IDE: variants seen among roughly 807,000 people sequenced by gnomAD.
IDE encodes the protein insulin degrading enzyme.
In IDE, 58 loss-of-function variants were observed where a neutral mutation model predicts 133.2. The ratio of observed to expected loss-of-function variants is 0.44; its 90% CI spans 0.35 to 0.54. IDE has a LOEUF of 0.54. IDE is among the 20% of genes least tolerant of loss of function. IDE has a pLI of 0.00. For synonymous variants in IDE, 396 were observed against 421.3 expected (o/e 0.94, Z 0.73); for missense variants, 981 against 1,234.0 (o/e 0.79, Z 3.07).
rs957472402 is a variant in IDE, at chr10:92,516,294, G to A, written c.662-1252C>T. 2.6e-5 allele frequency among the ~76,000 whole-genome samples: 4 copies of A among 152,018 alleles called. No individual in the cohort carries two copies. In the East Asian group the frequency reaches 7.8e-4, roughly 30 times the overall value. Reference sequence around the variant, plus strand: ...GGATCACCTGAGGTGAGGAGTTCAAGACCAGCCTGGCCAACGTGGTGAAAA... The same window carrying A: ...GGATCACCTGAGGTGAGGAGTTCAAAACCAGCCTGGCCAACGTGGTGAAAA... On this transcript the variant is annotated intron_variant, in intron 4 of 24. Coordinates refer to ENST00000265986, the MANE Select transcript of IDE (RefSeq NM_004969.4).
At chr10:92,485,427 ATGT>A (rs1846932134) in intron 13 of IDE, among the ~76,000 whole-genome samples, 3 of 152,032 alleles carry the variant, frequency 2.0e-5, no homozygotes, top group African/African-American at 7.2e-5. Context: ...CCTAACTTAA[ATGT>A]TGTGGTTTTA....
chr10:92,512,559 TAAAAA>T (rs11373926), intron 5 of IDE, among the ~76,000 whole-genome samples: 7 of 140,100 alleles, frequency 5.0e-5, no homozygotes, highest in African/African-American at 1.8e-4. Context: ...CAACATAGAT[TAAAAA>T]AAAAAAAAAA....
At chr10:92,504,719 A>T in intron 11 of IDE, 75 bp downstream of exon 11, 1 of 783,752 alleles carries the variant, frequency 1.3e-6, no homozygotes, top group Non-Finnish European at 2.2e-6. Context: ...TTTTATTCAC[A>T]ATTTCAAATT....
At chr10:92,551,418 A>T (rs575657827) in intron 1 of IDE, among the ~76,000 whole-genome samples, 1 of 152,110 alleles carries the variant, frequency 6.6e-6, no homozygotes, top group African/African-American at 2.4e-5. Context: ...AAATACAAAA[A>T]TTAGCTGGGA....
At chr10:92,455,261 A>C (rs1176460432) in intron 24 of IDE, among the ~76,000 whole-genome samples, 2 of 152,110 alleles carry the variant, frequency 1.3e-5, no homozygotes, top group Non-Finnish European at 2.9e-5. Context: ...GGATCACTTG[A>C]GGTCAGTAGT....
chr10:92,459,235 C>A (rs1444298593), intron 22 of IDE, among the ~76,000 whole-genome samples: 3 of 152,148 alleles, frequency 2.0e-5, no homozygotes. Context: ...CCATTTTCCT[C>A]AAAGAAACTA....
chr10:92,514,487 G>A (rs753009565), intron 5 of IDE, among the ~76,000 whole-genome samples: 3 of 151,874 alleles, frequency 2.0e-5, no homozygotes, highest in African/African-American at 2.4e-5. Flanking sequence ...CCAGGCTGGA[G>A]TGCAGTGGTG....
intron 1 of IDE, 122 bp downstream of exon 1, chr10:92,573,800 G>T (rs947740436): frequency 4.3e-6 from 3 of 691,170 alleles, no homozygotes; most frequent in Non-Finnish European, 6.6e-6. Flanking sequence ...CCAGGCCGGC[G>T]GGACGGGCGG....
chr10:92,473,500 A>C (rs1846087036), intron 17 of IDE, among the ~76,000 whole-genome samples: 1 of 151,772 alleles, frequency 6.6e-6, no homozygotes, highest in Non-Finnish European at 1.5e-5. Flanking sequence ...GGAATTTTGG[A>C]TTTTCAAGCC....
intron 20 of IDE, among the ~76,000 whole-genome samples, chr10:92,464,789 C>A (rs1159975108): frequency 6.6e-6 from 1 of 152,202 alleles, no homozygotes; most frequent in Non-Finnish European, 1.5e-5. Context: ...TCTGCCTCAG[C>A]CTCCTGAGTA....
intron 5 of IDE, among the ~76,000 whole-genome samples, chr10:92,510,733 G>GATATATATCACATACATCTCACATA (rs1848553786): frequency 3.0e-5 from 4 of 134,884 alleles, no homozygotes; most frequent in African/African-American, 1.1e-4. Context: ...CATCTCACAT[G>GATATATATCACATACATCTCACATA]TATGAAATAT....
chr10:92,453,239 G>C lies in IDE; in HGVS notation c.*1205C>G, dbSNP rs1844832098. The C allele has an allele frequency of 6.6e-6, 1 of 151,988 alleles. No homozygotes were observed. The highest frequency in any genetic ancestry group is 1.5e-5 in the Non-Finnish European group (1 of 68,000). 9.4% of individuals were successfully genotyped at this position (151,988 alleles called of 1,614,324 possible). A position where few individuals can be genotyped will look rare whatever the true frequency, so the allele number is the denominator to read the frequency against. On this transcript the variant is annotated 3_prime_UTR_variant, in exon 25 of 25. Coordinates refer to ENST00000265986, the MANE Select transcript of IDE (RefSeq NM_004969.4). ...TAATAACAGTAAATATTTCAAAACA[G>C]CTGTTAAATCTACAGTAACAATTTC...
chr10:92,556,847 C>G (rs1447881886), intron 1 of IDE, among the ~76,000 whole-genome samples: 1 of 150,626 alleles, frequency 6.6e-6, no homozygotes, highest in African/African-American at 2.4e-5. Flanking sequence ...TTGCTTGAAC[C>G]TGGGAGGTGG....
chr10:92,534,804 A>G lies in IDE; in HGVS notation c.284-19T>C, dbSNP rs776205702. On this transcript the variant is annotated intron_variant, in intron 2 of 24. Coordinates refer to ENST00000265986, the MANE Select transcript of IDE (RefSeq NM_004969.4). ...AATGAACCTGAAAGAGAAAACACGT[A>G]TATAATAAATCATTGTCCTATGCTG... 9 of 1,578,476 alleles carry G rather than the reference A, an allele frequency of 5.7e-6. No individual in the cohort carries two copies. The highest frequency in any genetic ancestry group is 2.7e-5 in the African/African-American group (2 of 74,140).
At chr10:92,568,009 T>C (rs1382591660) in intron 1 of IDE, among the ~76,000 whole-genome samples, 3 of 152,188 alleles carry the variant, frequency 2.0e-5, no homozygotes. Flanking sequence ...TCTTTGTTCA[T>C]CCAATTCAAT....
chr10:92,512,268 A>C (rs1220781281), intron 5 of IDE, among the ~76,000 whole-genome samples: 1 of 152,182 alleles, frequency 6.6e-6, no homozygotes, highest in Non-Finnish European at 1.5e-5. Flanking sequence ...CCGTCAAAAG[A>C]AGGAGTGGAT....
chr10:92,469,119 A>C, intron 18 of IDE, 129 bp from the exon 19 acceptor site: 2 of 603,144 alleles, frequency 3.3e-6, no homozygotes, highest in South Asian at 4.3e-5. Context: ...ATTCAAATGG[A>C]TAAAAATTGA....
At position 92,507,562 on chromosome 10, in the gene IDE, G is replaced by A. The variant is rs1479809465; in HGVS notation, c.1245+13C>T. 1.3e-6 allele frequency: 2 copies of A among 1,482,404 alleles called. No homozygotes were observed. The highest frequency in any genetic ancestry group is 1.4e-5 in the African/African-American group (1 of 72,106). 91.8% of individuals were successfully genotyped at this position (1,482,404 alleles called of 1,614,324 possible). On this transcript the variant is annotated intron_variant, in intron 9 of 24. Coordinates refer to ENST00000265986, the MANE Select transcript of IDE (RefSeq NM_004969.4). ...CAGATTCCTTAAGAAAAATTTTGGT[G>A]AAACAAAAGTACCTTGCACTCTTGG... is the stretch of plus-strand genomic sequence containing the variant.
At chr10:92,506,912 A>G (rs1341763104) in intron 9 of IDE, among the ~76,000 whole-genome samples, 1 of 152,222 alleles carries the variant, frequency 6.6e-6, no homozygotes, top group African/African-American at 2.4e-5. Flanking sequence ...TTCAGAGAAC[A>G]GCACCCAGAT....
Sources: allele counts gnomAD v4.1 joint callset (sites outside exome capture counted in the v4.1 genomes callset), GRCh38; gene constraint gnomAD v4.1.1; transcripts MANE v1.5; gene names NCBI Gene and HGNC (gene_info 2026-07-23, HGNC 2026-07-21).